Variants in LRRC69 observed in about 807,000 individuals in gnomAD.
LRRC69 encodes the protein leucine-rich repeat-containing protein 69.
A neutral mutation model predicts 37.8 loss-of-function variants in LRRC69; 42 were observed. The ratio of observed to expected loss-of-function variants is 1.11; its 90% CI spans 0.87 to 1.44. LRRC69 has a LOEUF of 1.44. Among genes scored for constraint, LRRC69 ranks in the 40% most tolerant of loss-of-function variants. LRRC69 has a pLI of 0.00. For missense variants in LRRC69, 357 were observed against 401.9 expected (o/e 0.89, Z 0.96); for synonymous variants, 141 against 143.1 (o/e 0.99, Z 0.11).
chr8:91,169,655 A>C (rs1366676776), intron 5 of LRRC69, among the ~76,000 whole-genome samples: 2 of 9,360 alleles, frequency 2.1e-4, no homozygotes, highest in African/African-American at 3.7e-4. Context: ...ATATCTCCCA[A>C]TGCTATCCCC....
At chr8:91,152,271 A>G (rs1014375023) in intron 5 of LRRC69, among the ~76,000 whole-genome samples, 1 of 151,380 alleles carries the variant, frequency 6.6e-6, no homozygotes, top group Non-Finnish European at 1.5e-5. Flanking sequence ...TTTTGGTTTT[A>G]TATTTAAGTC....
chr8:91,106,783 A>G (rs948034338), intron 1 of LRRC69, among the ~76,000 whole-genome samples: 4 of 151,352 alleles, frequency 2.6e-5, no homozygotes, highest in Admixed American at 6.6e-5. Context: ...CTCTCCTCCC[A>G]TTTGTTTGCA....
intron 5 of LRRC69, among the ~76,000 whole-genome samples, chr8:91,137,256 G>A (rs1323001432): frequency 6.6e-6 from 1 of 151,956 alleles, no homozygotes; most frequent in South Asian, 2.1e-4. Context: ...GTCCTGCGAT[G>A]CCTTCTGGTG....
At chr8:91,106,965 A>AAC (rs1813325471) in intron 1 of LRRC69, among the ~76,000 whole-genome samples, 1 of 149,294 alleles carries the variant, frequency 6.7e-6, no homozygotes, top group Non-Finnish European at 1.5e-5. Context: ...GCTAATTAAA[A>AAC]AAATTTTTTT....
intron 7 of LRRC69, among the ~76,000 whole-genome samples, chr8:91,203,891 G>C (rs1202527463): frequency 1.3e-5 from 2 of 151,346 alleles, no homozygotes; most frequent in Non-Finnish European, 2.9e-5. Flanking sequence ...AGGCTGAGGC[G>C]GGCAGATCAC....
chr8:91,191,635 A>C (rs1809497620), intron 6 of LRRC69, among the ~76,000 whole-genome samples: 1 of 152,128 alleles, frequency 6.6e-6, no homozygotes, highest in Non-Finnish European at 1.5e-5. Context: ...AAGGGGATAT[A>C]GGGAGCTGAG....
At chr8:91,157,823 T>C in intron 5 of LRRC69, 2 of 1,606,376 alleles carry the variant, frequency 1.2e-6, no homozygotes, top group Non-Finnish European at 1.7e-6. Flanking sequence ...ACAAAGGGAG[T>C]GGGAAAAGGA....
chr8:91,139,359 G>A (rs1489977377), intron 5 of LRRC69, among the ~76,000 whole-genome samples: 1 of 151,888 alleles, frequency 6.6e-6, no homozygotes, highest in East Asian at 2.0e-4. Context: ...GGCTAACACA[G>A]TTAAACCCCA....
At chr8:91,144,272 G>C (rs930897513) in intron 5 of LRRC69, among the ~76,000 whole-genome samples, 1 of 151,924 alleles carries the variant, frequency 6.6e-6, no homozygotes, top group African/African-American at 2.4e-5. Context: ...CTGTACCCAA[G>C]GGTGTACAAG....
chr8:91,109,264 AG>A (rs1813371464), intron 1 of LRRC69, among the ~76,000 whole-genome samples: 1 of 152,074 alleles, frequency 6.6e-6, no homozygotes, highest in South Asian at 2.1e-4. Context: ...GCAGGTGTCT[AG>A]AAAAGACACA....
chr8:91,164,190 A>G (rs748448785), intron 5 of LRRC69, among the ~76,000 whole-genome samples: 8 of 151,660 alleles, frequency 5.3e-5, no homozygotes, highest in Non-Finnish European at 1.2e-4. Flanking sequence ...AGAAAATCAC[A>G]TTGTAAATTG....
chr8:91,211,853 G>C lies in LRRC69; in HGVS notation c.934-7037G>C, dbSNP rs910377092. Among the ~76,000 whole-genome samples, 30 of 151,766 alleles carry C rather than the reference G, an allele frequency of 2.0e-4. 1 individual carries two copies. Among genetic ancestry groups the C allele is most frequent in the Non-Finnish European group, 1.0e-4 (7 of 67,880 alleles). On this transcript the variant is annotated intron_variant, in intron 7 of 7. Coordinates refer to ENST00000448384, the Ensembl canonical transcript of LRRC69. ...AGGAGGGAGACACTGGATGATAAAT[G>C]GGTCTTTATTCTCAACATAAAACAC...
At chr8:91,181,084 A>G (rs1403840864) in intron 5 of LRRC69, among the ~76,000 whole-genome samples, 2 of 152,234 alleles carry the variant, frequency 1.3e-5, no homozygotes, top group Non-Finnish European at 2.9e-5. Context: ...GTATCTGAGT[A>G]TAACTGTTTG....
rs114890709 is a variant in LRRC69 at position 91,181,671 on chromosome 8, C to T, written c.652-7851C>T. ...AAACTGGCAAGACCTAGTTAAGTAT[C>T]AAGAGAGACATTGTAGAGTTTAGAC... On this transcript the variant is annotated intron_variant, in intron 5 of 7. Transcript: ENST00000448384. 2.7e-3 allele frequency among the ~76,000 whole-genome samples: 415 copies of T among 152,182 alleles called. 2 individuals are homozygous for T. Among genetic ancestry groups the T allele is most frequent in the African/African-American group, 9.5e-3 (394 of 41,538 alleles).
intron 5 of LRRC69, among the ~76,000 whole-genome samples, chr8:91,171,896 A>G (rs1416272906): frequency 6.6e-6 from 1 of 151,948 alleles, no homozygotes; most frequent in Non-Finnish European, 1.5e-5. Flanking sequence ...CTATTTTTCC[A>G]TTTTAAAAAT....
intron 5 of LRRC69, among the ~76,000 whole-genome samples, chr8:91,147,963 G>C (rs187368330): frequency 5.3e-5 from 8 of 151,730 alleles, no homozygotes; most frequent in Admixed American, 4.6e-4. Context: ...TGCGGTGTTT[G>C]GTTTTCTGTT....
At chr8:91,133,406 C>T in intron 4 of LRRC69, 101 bp downstream of exon 4, 2 of 779,014 alleles carry the variant, frequency 2.6e-6, no homozygotes, top group South Asian at 4.8e-5. Context: ...TATAAGCCAC[C>T]ACTTGCTTTC....
At chr8:91,170,998 C>T (rs1235836417) in intron 5 of LRRC69, among the ~76,000 whole-genome samples, 1 of 148,502 alleles carries the variant, frequency 6.7e-6, no homozygotes, top group Non-Finnish European at 1.5e-5. Context: ...TCGCAACCTA[C>T]TCATCTGACA....
chr8:91,202,585 G>C (rs1174787625), intron 7 of LRRC69, among the ~76,000 whole-genome samples: 1 of 152,188 alleles, frequency 6.6e-6, no homozygotes, highest in East Asian at 1.9e-4. Flanking sequence ...AACTGTTCCA[G>C]TAGGAACAGT....
Sources: gnomAD v4.1 joint callset for allele counts (sites outside exome capture counted in the v4.1 genomes callset) on GRCh38, gnomAD v4.1.1 for gene constraint, MANE v1.5 for transcripts, NCBI Gene and HGNC (gene_info 2026-07-23, HGNC 2026-07-21) for gene names.